The following CLSTN2 variants were observed in gnomAD, a reference collection of about 807,000 sequenced individuals.
CLSTN2 encodes the protein calsyntenin-2.
Under a neutral mutation model 101.2 loss-of-function variants are expected in CLSTN2, and 48 were observed. The ratio of observed to expected loss-of-function variants is 0.47; its 90% confidence interval spans 0.38 to 0.60. The LOEUF (loss-of-function observed/expected upper bound fraction) is 0.60. CLSTN2 is among the 20% of genes least tolerant of loss of function. CLSTN2 has a pLI of 0.00. For synonymous variants in CLSTN2, 481 were observed against 463.6 expected, an observed-to-expected ratio of 1.04 and a Z score of -0.48; for missense variants, 1,160 against 1,238.2, an observed-to-expected ratio of 0.94 and a Z score of 0.95.
At chr3:140,067,624 C>G (rs545174443) in intron 1 of CLSTN2, among the ~76,000 whole-genome samples, 58 of 152,306 alleles carry the variant, frequency 3.8e-4, no homozygotes, top group African/African-American at 1.3e-3. Flanking sequence ...GAGGTGATGT[C>G]AGGATGTAAA....
At chr3:140,139,379 C>T (rs1188048081) in intron 1 of CLSTN2, among the ~76,000 whole-genome samples, 1 of 152,238 alleles carries the variant, frequency 6.6e-6, no homozygotes, top group Non-Finnish European at 1.5e-5. Flanking sequence ...CTTCACACCT[C>T]TGCAATGAGA....
chr3:140,057,163 C>T (rs1380861172), intron 1 of CLSTN2, among the ~76,000 whole-genome samples: 1 of 152,190 alleles, frequency 6.6e-6, no homozygotes, highest in Non-Finnish European at 1.5e-5. Context: ...ATGGAGGAAG[C>T]AAACCAATAC....
At chr3:139,997,058 A>G (rs2006683344) in intron 1 of CLSTN2, among the ~76,000 whole-genome samples, 1 of 146,070 alleles carries the variant, frequency 6.8e-6, no homozygotes, top group South Asian at 2.2e-4. Flanking sequence ...AAAAAAAAAA[A>G]AAAAAAAAGA....
Position 140,572,133 on chromosome 3 carries a change from G to A in CLSTN2, c.*5880G>A, listed in dbSNP as rs1160112023. On this transcript the variant is annotated 3_prime_UTR_variant, in exon 17 of 17. Transcript: ENST00000458420. ...GTGCACGAGCAGTCAGGACTTTGGGGACAGAAGTTTAGTGTTAGGGAGGCA... is the reference window on the plus strand; with the variant it reads ...GTGCACGAGCAGTCAGGACTTTGGGAACAGAAGTTTAGTGTTAGGGAGGCA... The A allele has an allele frequency of 6.6e-6, 1 of 152,236 alleles. No homozygotes were observed. The highest frequency in any genetic ancestry group is 2.4e-5 in the African/African-American group (1 of 41,446). The allele number at this position is 152,236 out of a possible 1,614,324, so 9.4% of individuals were successfully genotyped here.
chr3:140,500,819 A>G (rs543721453), intron 8 of CLSTN2, among the ~76,000 whole-genome samples: 147 of 152,344 alleles, frequency 9.6e-4, no homozygotes, highest in Non-Finnish European at 1.8e-3. Flanking sequence ...TGAAAATAAT[A>G]AAGTATTATT....
At chr3:140,490,885 A>G (rs1206127173) in intron 8 of CLSTN2, among the ~76,000 whole-genome samples, 5 of 152,194 alleles carry the variant, frequency 3.3e-5, no homozygotes, top group Non-Finnish European at 7.3e-5. Flanking sequence ...CGGCCAAGCC[A>G]GTGAGACTTT....
intron 8 of CLSTN2, among the ~76,000 whole-genome samples, chr3:140,504,339 C>T (rs1255326618): frequency 6.6e-6 from 1 of 151,650 alleles, no homozygotes; most frequent in Non-Finnish European, 1.5e-5. Flanking sequence ...ATATTATATA[C>T]GATTCAAGGA....
intron 1 of CLSTN2, among the ~76,000 whole-genome samples, chr3:140,148,276 C>T (rs2009812017): frequency 6.6e-6 from 1 of 152,176 alleles, no homozygotes; most frequent in Non-Finnish European, 1.5e-5. Context: ...CCAAGGAGAG[C>T]TCAGAGAACT....
At chr3:140,402,976 C>A (rs1286157292) in intron 2 of CLSTN2, among the ~76,000 whole-genome samples, 1 of 152,006 alleles carries the variant, frequency 6.6e-6, no homozygotes, top group South Asian at 2.1e-4. Context: ...CAGCACTTCC[C>A]AAGACATTTA....
chr3:140,529,141 G>C (rs1935203839), intron 8 of CLSTN2, among the ~76,000 whole-genome samples: 1 of 152,072 alleles, frequency 6.6e-6, no homozygotes. Flanking sequence ...TCATCTCATG[G>C]GAGGCTTCCC....
intron 2 of CLSTN2, among the ~76,000 whole-genome samples, chr3:140,199,356 C>A (rs1233381577): frequency 2.6e-5 from 4 of 152,288 alleles, no homozygotes; most frequent in Non-Finnish European, 4.4e-5. Context: ...CCATCAGAAT[C>A]ACCTGAGGAG....
chr3:140,466,743 A>G lies in CLSTN2; in HGVS notation c.1344+12A>G. On this transcript the variant is annotated intron_variant, in intron 8 of 16. Transcript: ENST00000458420. Reference sequence around the variant, plus strand: ...GGAAGCTGGATCAGGTATGGTGCTCACCTCACACCTGCTGCTACTCATGCC... The same window carrying G: ...GGAAGCTGGATCAGGTATGGTGCTCGCCTCACACCTGCTGCTACTCATGCC... The G allele has an allele frequency of 1.2e-6, 2 of 1,613,566 alleles. No individual in the cohort carries two copies. The highest frequency in any genetic ancestry group is 1.1e-5 in the South Asian group (1 of 91,032).
At chr3:140,121,306 G>C (rs139864451) in intron 1 of CLSTN2, among the ~76,000 whole-genome samples, 28 of 152,226 alleles carry the variant, frequency 1.8e-4, no homozygotes, top group Non-Finnish European at 3.5e-4. Context: ...TTCCTCTCAC[G>C]TGAAATGGGT....
At chr3:140,137,908 C>G (rs148499940) in intron 1 of CLSTN2, among the ~76,000 whole-genome samples, 3 of 152,172 alleles carry the variant, frequency 2.0e-5, no homozygotes, top group African/African-American at 4.8e-5. Context: ...TGATTCCAAA[C>G]GCTTTCGCCT....
chr3:140,341,105 C>G (rs2087487483), intron 2 of CLSTN2, among the ~76,000 whole-genome samples: 1 of 152,214 alleles, frequency 6.6e-6, no homozygotes, highest in East Asian at 1.9e-4. Context: ...TGACCCTTTT[C>G]TTCCATGTGA....
intron 2 of CLSTN2, among the ~76,000 whole-genome samples, chr3:140,376,477 C>A (rs2087918196): frequency 6.6e-6 from 1 of 152,234 alleles, no homozygotes; most frequent in East Asian, 1.9e-4. Context: ...CTCCTTTCTG[C>A]ATTTTTCCTC....
Position 140,126,909 on chromosome 3 carries a change from G to C in CLSTN2, c.110-49042G>C, listed in dbSNP as rs1422471695. Among the ~76,000 whole-genome samples the C allele has an allele frequency of 3.9e-5, 6 of 152,046 alleles. No homozygotes were observed. In the East Asian group the frequency reaches 1.2e-3, roughly 29 times the overall value. On this transcript the variant is annotated intron_variant, in intron 1 of 16. Coordinates refer to ENST00000458420, the MANE Select transcript of CLSTN2 (RefSeq NM_022131.3). ...CACCAGTGGCTGTAACCCATCGTGG[G>C]GTGGGTTGCAAGTACTGTGTTCCTG...
intron 2 of CLSTN2, among the ~76,000 whole-genome samples, chr3:140,379,337 C>G (rs1229051812): frequency 6.6e-6 from 1 of 152,154 alleles, no homozygotes; most frequent in Non-Finnish European, 1.5e-5. Flanking sequence ...CCCTAGGAGA[C>G]TGATCCAGGG....
chr3:140,348,741 T>G (rs2087576425), intron 2 of CLSTN2, among the ~76,000 whole-genome samples: 1 of 152,216 alleles, frequency 6.6e-6, no homozygotes, highest in South Asian at 2.1e-4. Flanking sequence ...CTGCCTAATA[T>G]GTGAGGCCAG....
Sources: allele counts gnomAD v4.1 joint callset (sites outside exome capture counted in the v4.1 genomes callset), GRCh38; gene constraint gnomAD v4.1.1; transcripts MANE v1.5; gene names NCBI Gene and HGNC (gene_info 2026-07-23, HGNC 2026-07-21).